The following LIMA1 variants were observed in gnomAD, a reference collection of about 807,000 sequenced individuals.
The protein encoded by LIMA1 is LIM domain and actin-binding protein 1.
A neutral mutation model predicts 62.6 loss-of-function variants in LIMA1; 52 were observed. The observed-to-expected ratio is 0.83, with a 90% CI of 0.67 to 1.05. LIMA1 has a LOEUF of 1.05. Among genes scored for constraint, LIMA1 ranks in the 50% least tolerant of loss-of-function variants. The pLI, the probability that LIMA1 is intolerant of heterozygous loss-of-function variation, is 0.00. For synonymous variants in LIMA1, 302 were observed against 317.8 expected (o/e 0.95, Z 0.53); for missense variants, 780 against 902.2 (o/e 0.86, Z 1.74).
chr12:50,231,769 T>C, intron 2 of LIMA1, 59 bp from the exon 3 acceptor site: 1 of 1,505,994 alleles, frequency 6.6e-7, no homozygotes. Flanking sequence ...ACTCTTTCAA[T>C]TTTTTATCTT....
At chr12:50,276,604 C>G (rs1942278233) in intron 1 of LIMA1, among the ~76,000 whole-genome samples, 1 of 152,154 alleles carries the variant, frequency 6.6e-6, no homozygotes, top group African/African-American at 2.4e-5. Context: ...GGTGTGGTGG[C>G]TCACGCCTGT....
chr12:50,210,938 G>C lies in LIMA1; in HGVS notation c.631-4870C>G, dbSNP rs534151561. On this transcript the variant is annotated intron_variant, in intron 4 of 10. Transcript: ENST00000341247. The stretch of plus-strand genomic sequence containing the variant: ...GCTCTGAGGAGAAACACAGCTGTGA[G>C]GTAAGATGGGTTTTCATGATATCGC... Among the ~76,000 whole-genome samples, 14 of 152,292 alleles carry C rather than the reference G, an allele frequency of 9.2e-5. No homozygotes were observed. In the East Asian group the frequency reaches 2.3e-3, roughly 25 times the overall value.
At chr12:50,192,333 G>T in intron 9 of LIMA1, 119 bp downstream of exon 9, 2 of 755,926 alleles carry the variant, frequency 2.6e-6, no homozygotes, top group Non-Finnish European at 4.7e-6. Context: ...CTCTTCTGTG[G>T]CATTATCATC....
At chr12:50,270,454 AG>A (rs138995756) in intron 1 of LIMA1, among the ~76,000 whole-genome samples, 2,099 of 151,606 alleles carry the variant, frequency 0.014, 46 homozygotes, top group African/African-American at 0.049. Flanking sequence ...CAAACAAATA[AG>A]TTAGCCAGGT....
intron 1 of LIMA1, among the ~76,000 whole-genome samples, chr12:50,263,160 G>A (rs1217647127): frequency 6.6e-6 from 1 of 152,126 alleles, no homozygotes; most frequent in Non-Finnish European, 1.5e-5. Flanking sequence ...AGCCAGGTCT[G>A]TTGCTGAATT....
intron 1 of LIMA1, among the ~76,000 whole-genome samples, chr12:50,283,013 A>C (rs1387285784): frequency 6.6e-6 from 1 of 152,246 alleles, no homozygotes; most frequent in East Asian, 1.9e-4. Flanking sequence ...GGGAGAAAAA[A>C]TCGAAAAGAG....
intron 3 of LIMA1, among the ~76,000 whole-genome samples, chr12:50,225,115 T>G (rs1373677427): frequency 6.6e-6 from 1 of 152,088 alleles, no homozygotes; most frequent in Admixed American, 6.6e-5. Flanking sequence ...TTGGTCAGGC[T>G]GGTCTCGAAC....
intron 1 of LIMA1, among the ~76,000 whole-genome samples, chr12:50,278,442 T>C (rs1942300758): frequency 1.3e-5 from 2 of 151,946 alleles, no homozygotes; most frequent in South Asian, 2.1e-4. Flanking sequence ...ATAATAATAA[T>C]ATTCAATGTT....
chr12:50,200,753 T>C (rs1348461009), intron 7 of LIMA1, 24 bp downstream of exon 7: 1 of 1,610,644 alleles, frequency 6.2e-7, no homozygotes. Context: ...CCTTGGCAAC[T>C]GGACATCAGA....
At chr12:50,231,837 G>A (rs749106475) in intron 2 of LIMA1, 127 bp from the exon 3 acceptor site, 36 of 816,478 alleles carry the variant, frequency 4.4e-5, no homozygotes, top group Middle Eastern at 3.4e-4. Context: ...GTGCGATCTC[G>A]GCTCACTGCA....
intron 1 of LIMA1, among the ~76,000 whole-genome samples, chr12:50,262,644 A>G (rs910393687): frequency 6.6e-6 from 1 of 150,802 alleles, no homozygotes; most frequent in Admixed American, 6.6e-5. Context: ...AAAATAAAAT[A>G]AAATAAAATA....
chr12:50,277,347 G>A (rs1025951768), intron 1 of LIMA1, among the ~76,000 whole-genome samples: 4 of 151,976 alleles, frequency 2.6e-5, no homozygotes, highest in Non-Finnish European at 5.9e-5. Context: ...TGCTACTCCG[G>A]TGGACACTGC....
At chr12:50,237,806 T>G (rs918130991) in intron 2 of LIMA1, among the ~76,000 whole-genome samples, 4 of 152,108 alleles carry the variant, frequency 2.6e-5, no homozygotes, top group Admixed American at 6.6e-5. Flanking sequence ...GTCAGATAAT[T>G]TTTTGACAAG....
chr12:50,208,706 G>A (rs996267033), intron 4 of LIMA1, among the ~76,000 whole-genome samples: 22 of 151,678 alleles, frequency 1.5e-4, no homozygotes, highest in Admixed American at 2.6e-4. Flanking sequence ...GTGTGTGTGT[G>A]TATATATAAT....
intron 6 of LIMA1, among the ~76,000 whole-genome samples, chr12:50,203,319 G>A (rs751704649): frequency 6.6e-6 from 1 of 151,654 alleles, no homozygotes; most frequent in East Asian, 1.9e-4. Context: ...TGGCTATAAG[G>A]TAACTTCAAT....
At position 50,176,689 on chromosome 12, in the gene LIMA1, G is replaced by A. The variant is rs1000364771; in HGVS notation, c.*375C>T. Reference sequence around the variant, plus strand: ...TTAAGCCCCTAAATTCCTTCTGTATGTTCTCTAATTCCAAAATAGTGTGTA... The same window carrying A: ...TTAAGCCCCTAAATTCCTTCTGTATATTCTCTAATTCCAAAATAGTGTGTA... On this transcript the variant is annotated 3_prime_UTR_variant, in exon 11 of 11. Coordinates refer to ENST00000341247, the MANE Select transcript of LIMA1 (RefSeq NM_016357.5). The A allele has an allele frequency of 1.8e-4, 30 of 167,902 alleles. No homozygotes were observed. The Admixed American group carries it at 1.8e-3, about 10-fold the overall frequency. 10.4% of individuals were successfully genotyped at this position (167,902 alleles called of 1,614,324 possible).
intron 2 of LIMA1, among the ~76,000 whole-genome samples, chr12:50,238,716 G>A (rs1941731229): frequency 1.3e-5 from 2 of 151,806 alleles, no homozygotes; most frequent in African/African-American, 2.4e-5. Context: ...TGGGTGTGGT[G>A]GTGGGTACCT....
intron 1 of LIMA1, among the ~76,000 whole-genome samples, chr12:50,263,863 A>AG (rs1565863090): frequency 1.5e-5 from 2 of 132,170 alleles, no homozygotes; most frequent in African/African-American, 2.9e-5. Flanking sequence ...GAGAGTATAT[A>AG]TATATATATA....
chr12:50,239,217 T>TG (rs1195185889), intron 2 of LIMA1, among the ~76,000 whole-genome samples: 1 of 151,898 alleles, frequency 6.6e-6, no homozygotes, highest in Non-Finnish European at 1.5e-5. Context: ...GTAAGTCCTT[T>TG]GAAAAAAAAG....
Sources: allele counts gnomAD v4.1 joint callset (sites outside exome capture counted in the v4.1 genomes callset), GRCh38; gene constraint gnomAD v4.1.1; transcripts MANE v1.5; gene names NCBI Gene and HGNC (gene_info 2026-07-23, HGNC 2026-07-21).